INSR: variants seen among roughly 807,000 people sequenced by gnomAD.
INSR encodes the protein insulin receptor, also known as IR.
Under a neutral mutation model 142.6 loss-of-function variants are expected in INSR, and 67 were observed. The ratio of observed to expected loss-of-function variants is 0.47; its 90% CI spans 0.39 to 0.58. The LOEUF (loss-of-function observed/expected upper bound fraction) is 0.58, where lower values mean the gene tolerates loss of function less well. Ranked by LOEUF, INSR falls within the 20% of genes least tolerant of loss-of-function variation. INSR has a pLI of 0.00. For synonymous variants in INSR, 756 were observed against 743.1 expected (o/e 1.02, Z -0.28); for missense variants, 1,248 against 1,833.2 (o/e 0.68, Z 5.83).
At chr19:7,240,067 C>T (rs757114592) in intron 2 of INSR, among the ~76,000 whole-genome samples, 1 of 152,112 alleles carries the variant, frequency 6.6e-6, no homozygotes, top group Non-Finnish European at 1.5e-5. Context: ...GGACCAGCCA[C>T]GTGTGGCCAG....
chr19:7,162,573 G>T (rs1003238990), intron 9 of INSR, among the ~76,000 whole-genome samples: 2 of 151,454 alleles, frequency 1.3e-5, no homozygotes, highest in African/African-American at 4.9e-5. Context: ...CACTTTGGGA[G>T]GCCAAGGTGG....
intron 2 of INSR, among the ~76,000 whole-genome samples, chr19:7,236,762 C>T (rs1976169187): frequency 1.3e-5 from 2 of 152,300 alleles, no homozygotes; most frequent in Middle Eastern, 3.4e-3. Flanking sequence ...CACGGTGGCT[C>T]ATGCCTGTAA....
At position 7,166,669 on chromosome 19, in the gene INSR, C is replaced by G. The variant is rs755153277; in HGVS notation, c.1611-265G>C. On this transcript the variant is annotated intron_variant, in intron 7 of 21. Coordinates refer to ENST00000302850, the MANE Select transcript of INSR (RefSeq NM_000208.4). This position sits in a 1 kb window ranked among gnomAD's most constrained non-coding sequence, Gnocchi z 4.1. The stretch of plus-strand genomic sequence containing the variant: ...GTGCAGTGGCTCACGCCTGTAATCC[C>G]AGCACTTTGGGAGGCCGAGAATGGC... Among the ~76,000 whole-genome samples the G allele has an allele frequency of 5.9e-5, 9 of 152,210 alleles. No individual in the cohort carries two copies. Among genetic ancestry groups the G allele is most frequent in the Non-Finnish European group, 1.2e-4 (8 of 68,042 alleles).
rs545020498 is a variant in INSR, at chr19:7,195,923, T to C, written c.653-11286A>G. Among the ~76,000 whole-genome samples, 53 of 118,222 alleles carry C rather than the reference T, an allele frequency of 4.5e-4. No individual in the cohort carries two copies. In the East Asian group the frequency reaches 7.0e-3, roughly 16 times the overall value. 77.6% of individuals were successfully genotyped at this position (118,222 alleles called of 152,430 possible). A position where few individuals can be genotyped will look rare whatever the true frequency, so the allele number is the denominator to read the frequency against. On this transcript the variant is annotated intron_variant, in intron 2 of 21. Coordinates refer to ENST00000302850, the MANE Select transcript of INSR (RefSeq NM_000208.4). ...TCATTATGTAAGAGAACTTTCTTTCTTTTCTTTCTTTTTTTTTTTTTTTTT... is the reference window on the plus strand; with the variant it reads ...TCATTATGTAAGAGAACTTTCTTTCCTTTCTTTCTTTTTTTTTTTTTTTTT...
At chr19:7,271,012 A>C (rs1372779000) in intron 1 of INSR, among the ~76,000 whole-genome samples, 1 of 147,780 alleles carries the variant, frequency 6.8e-6, no homozygotes, top group Non-Finnish European at 1.5e-5. Flanking sequence ...CAGTGAGCCG[A>C]GATCACACCA....
chr19:7,256,796 T>C (rs992225471), intron 2 of INSR, among the ~76,000 whole-genome samples: 2 of 151,824 alleles, frequency 1.3e-5, no homozygotes, highest in African/African-American at 4.8e-5. Context: ...TACTGTGGAA[T>C]TTTTTTCAGT....
At chr19:7,252,508 A>G (rs760113324) in intron 2 of INSR, among the ~76,000 whole-genome samples, 18 of 152,158 alleles carry the variant, frequency 1.2e-4, no homozygotes, top group Non-Finnish European at 5.9e-5. Flanking sequence ...TCTTAACATC[A>G]TCACCACCAA....
rs1454589664 is a variant in INSR, at chr19:7,123,181, T to TA, written c.3259-193dup. On this transcript the variant is annotated intron_variant, in intron 17 of 21. Transcript: ENST00000302850. ...ATAGGCCTTTGTATTTTTTTTTTTT[T>TA]AATTTTCGAGACGGAATCTTGCTGT... The TA allele has an allele frequency of 6.8e-3, 3,661 of 537,324 alleles. 3 individuals carry two copies. Among genetic ancestry groups the TA allele is most frequent in the East Asian group, 0.011 (350 of 30,532 alleles). 33.3% of individuals were successfully genotyped at this position (537,324 alleles called of 1,614,324 possible). A position where few individuals can be genotyped will look rare whatever the true frequency, so the allele number is the denominator to read the frequency against.
At chr19:7,154,531 T>C (rs745734960) in intron 9 of INSR, among the ~76,000 whole-genome samples, 120 of 150,866 alleles carry the variant, frequency 8.0e-4, no homozygotes, top group Non-Finnish European at 1.2e-3. Context: ...CTCGATCTCC[T>C]GACCTCGTGA....
Position 7,125,139 on chromosome 19 carries a change from C to T in INSR, c.3258+144G>A. ...TTGAGAAGGGAATGATCCCTCCTCA[C>T]ACCTCTAGGATGGGAAGCTTAGTGG... On this transcript the variant is annotated intron_variant, in intron 17 of 21. Coordinates refer to ENST00000302850, the MANE Select transcript of INSR (RefSeq NM_000208.4). This position sits in a 1 kb window ranked among gnomAD's most constrained non-coding sequence, Gnocchi z 4.9. 1 of 974,338 alleles carries T rather than the reference C, an allele frequency of 1.0e-6. No homozygotes were observed. Among genetic ancestry groups the T allele is most frequent in the Non-Finnish European group, 1.6e-6 (1 of 631,998 alleles). The allele number at this position is 974,338 out of a possible 1,614,324, so 60.4% of individuals were successfully genotyped here. A position where few individuals can be genotyped will look rare whatever the true frequency, so the allele number is the denominator to read the frequency against.
At chr19:7,245,137 C>T (rs528801158) in intron 2 of INSR, among the ~76,000 whole-genome samples, 146 of 151,530 alleles carry the variant, frequency 9.6e-4, no homozygotes, top group Non-Finnish European at 1.8e-3. Flanking sequence ...AGGGTTTTAC[C>T]GTGTTAGCCA....
chr19:7,153,399 CACATACACACTT>C (rs1394654216), intron 9 of INSR, among the ~76,000 whole-genome samples: 11 of 85,850 alleles, frequency 1.3e-4, no homozygotes, highest in East Asian at 5.0e-4. Flanking sequence ...ACACACACAC[CACATACACACTT>C]CACACACACC....
At chr19:7,213,385 G>T (rs571319914) in intron 2 of INSR, among the ~76,000 whole-genome samples, 55 of 150,064 alleles carry the variant, frequency 3.7e-4, no homozygotes, top group African/African-American at 1.1e-3. Flanking sequence ...ACAGGGCACT[G>T]CAGGAACCCA....
At chr19:7,197,895 G>C (rs1183394693) in intron 2 of INSR, among the ~76,000 whole-genome samples, 1 of 128,632 alleles carries the variant, frequency 7.8e-6, no homozygotes, top group Non-Finnish European at 1.6e-5. Context: ...TGCAGCCCCA[G>C]GATTGGTCGG....
Position 7,238,392 on chromosome 19 carries a change from C to T in INSR, c.652+28953G>A, listed in dbSNP as rs971348942. 1.4e-4 allele frequency among the ~76,000 whole-genome samples: 21 copies of T among 151,938 alleles called. 1 individual carries two copies. The South Asian group carries it at 3.7e-3, about 27-fold the overall frequency. ...CCCAGTACTTTGAGAGGCTGAGGTG[C>T]GTAGATCACTTGAGGTCATGAGTTC... On this transcript the variant is annotated intron_variant, in intron 2 of 21. Transcript: ENST00000302850.
intron 2 of INSR, among the ~76,000 whole-genome samples, chr19:7,187,809 C>T (rs151161282): frequency 4.0e-4 from 61 of 151,906 alleles, no homozygotes; most frequent in African/African-American, 1.3e-3. Flanking sequence ...CTGGCTCAAG[C>T]GATCCTCCCA....
At chr19:7,140,204 G>A (rs1454259847) in intron 13 of INSR, among the ~76,000 whole-genome samples, 2 of 152,178 alleles carry the variant, frequency 1.3e-5, no homozygotes, top group Non-Finnish European at 2.9e-5. Context: ...CCCAGGAGGG[G>A]TAGAGGGAGG....
intron 2 of INSR, among the ~76,000 whole-genome samples, chr19:7,196,119 G>C (rs1599986704): frequency 6.6e-6 from 1 of 151,250 alleles, no homozygotes; most frequent in East Asian, 1.9e-4. Context: ...ATTTTTAGTA[G>C]AGACGGGGCT....
At chr19:7,157,836 G>C (rs1018707282) in intron 9 of INSR, among the ~76,000 whole-genome samples, 1 of 151,784 alleles carries the variant, frequency 6.6e-6, no homozygotes, top group Admixed American at 6.6e-5. Flanking sequence ...TCTAAATCGT[G>C]TATCAAGTAC....
Sources: gnomAD v4.1 joint callset for allele counts (sites outside exome capture counted in the v4.1 genomes callset) on GRCh38, gnomAD v4.1.1 for gene constraint, Gnocchi (gnomAD v3.1) non-coding constraint, MANE v1.5 for transcripts, NCBI Gene and HGNC (gene_info 2026-07-23, HGNC 2026-07-21) for gene names.